FBN3: variants seen among roughly 807,000 people sequenced by gnomAD.
FBN3 encodes the protein fibrillin-3.
FBN3 carries 234 observed loss-of-function variants against 330.1 expected under a neutral mutation model. That is an observed-to-expected ratio of 0.71 (90% confidence interval 0.64 to 0.79). The LOEUF (loss-of-function observed/expected upper bound fraction) is 0.79. FBN3 is among the 30% of genes least tolerant of loss of function. The probability of loss-of-function intolerance (pLI) is 0.00; values close to 1 mark genes in which losing one functional copy is unlikely to be tolerated. For missense variants in FBN3, 3,606 were observed against 3,886.9 expected (o/e 0.93, Z 1.92); for synonymous variants, 1,458 against 1,517.3 (o/e 0.96, Z 0.91).
At position 8,103,668 on chromosome 19, in the gene FBN3, T is replaced by G; in HGVS notation, c.4833A>C (p.Thr1611=). ...RICEDIDECS[T]HSGICGPGTC... ...TGCCAGGGCCACAGATGCCGGAGTG[T>G]GTGGAGCATTCGTCAATATCTGCAG... Residue 1611 remains threonine (T), a synonymous_variant, in exon 39 of 64, where the codon ACA becomes ACC. Transcript: ENST00000600128. 1 of 1,613,522 alleles carries G rather than the reference T, an allele frequency of 6.2e-7. No individual in the cohort carries two copies. The highest frequency in any genetic ancestry group is 8.5e-7 in the Non-Finnish European group (1 of 1,179,632).
chr19:8,125,652 G>A (rs895258702), intron 22 of FBN3, among the ~76,000 whole-genome samples: 6 of 152,006 alleles, frequency 3.9e-5, no homozygotes, highest in African/African-American at 7.3e-5. Flanking sequence ...TTAGCTGGGC[G>A]TGGTGGTATG....
At position 8,087,872 on chromosome 19, in the gene FBN3, G is replaced by C. The variant is rs751620059; in HGVS notation, c.6572C>G (p.Thr2191Ser). The change falls in exon 53 of 64, where the codon ACC (threonine) becomes AGC (serine). Residue 2191 changes from threonine (T) to serine (S), a missense_variant. By Grantham distance (58) the Thr-to-Ser change is moderately conservative. Coordinates refer to ENST00000600128, the MANE Select transcript of FBN3 (RefSeq NM_032447.5). ...CHNTEGSYLC[T>S]CPAGYTLRED... ...CCGCAGGGTGTAGCCGGCTGGACAG[G>C]TGCACAGGTAGGAGCCCTCGGTATT... 2 of 1,614,150 alleles carry C rather than the reference G, an allele frequency of 1.2e-6. No individual in the cohort carries two copies. The highest frequency in any genetic ancestry group is 2.2e-5 in the South Asian group (2 of 91,088).
At chr19:8,112,931 T>C (rs1283632968) in intron 30 of FBN3, among the ~76,000 whole-genome samples, 1 of 152,274 alleles carries the variant, frequency 6.6e-6, no homozygotes, top group African/African-American at 2.4e-5. Context: ...TATGTAACAC[T>C]TGTTTCTAAT....
At chr19:8,105,554 C>T (rs540428935) in intron 38 of FBN3, among the ~76,000 whole-genome samples, 10 of 152,246 alleles carry the variant, frequency 6.6e-5, no homozygotes, top group African/African-American at 2.4e-4. Context: ...TGCCACGCAC[C>T]CAGCCTTGAA....
chr19:8,089,647 G>C lies in FBN3; in HGVS notation c.6274C>G (p.Pro2092Ala), dbSNP rs2082048052. Reference protein sequence around the residue: ...REDVNECAENPGVCTNGVCVN... With the variant: ...REDVNECAENAGVCTNGVCVN... ...CAGACGCCGTTAGTGCAGACGCCAG[G>C]GTTCTCTGCACACTCATTCACGTCT... The change falls in exon 51 of 64, where the codon CCT becomes GCT. Residue 2092 changes from proline (P) to alanine (A), a missense_variant. Physicochemically the swap from Pro to Ala is conservative, Grantham distance 27. Coordinates refer to ENST00000600128, the MANE Select transcript of FBN3 (RefSeq NM_032447.5). The C allele has an allele frequency of 6.2e-7, 1 of 1,614,160 alleles. No individual in the cohort carries two copies. The highest frequency in any genetic ancestry group is 1.1e-5 in the South Asian group (1 of 91,080).
chr19:8,088,695 G>A (rs2082022322), intron 51 of FBN3, among the ~76,000 whole-genome samples: 1 of 152,180 alleles, frequency 6.6e-6, no homozygotes, highest in African/African-American at 2.4e-5. Flanking sequence ...AAACGAATGA[G>A]TGACTGAATA....
intron 49 of FBN3, 39 bp from the exon 50 acceptor site, chr19:8,089,998 A>G (rs777652068): frequency 4.2e-5 from 68 of 1,602,856 alleles, no homozygotes; most frequent in South Asian, 2.7e-4. Flanking sequence ...GTCAGGGCCT[A>G]GGTGCAGCCC....
chr19:8,094,731 G>C (rs997397371), intron 46 of FBN3, among the ~76,000 whole-genome samples, 166 bp from the exon 47 acceptor site: 1 of 152,218 alleles, frequency 6.6e-6, no homozygotes, highest in African/African-American at 2.4e-5. Context: ...CAGGACGACA[G>C]GGACAGCTGG....
chr19:8,117,610 A>T (rs2144870617), intron 26 of FBN3, 21 bp from the exon 27 acceptor site: 1 of 1,516,050 alleles, frequency 6.6e-7, no homozygotes, highest in Admixed American at 2.0e-5. Flanking sequence ...GTGCAGGTGA[A>T]AGACGGGCCT....
intron 18 of FBN3, among the ~76,000 whole-genome samples, chr19:8,128,427 G>A (rs149252596): frequency 1.3e-5 from 2 of 152,284 alleles, no homozygotes; most frequent in East Asian, 3.9e-4. Flanking sequence ...ATCTGGGCTT[G>A]GTGACGGACG....
intron 41 of FBN3, 42 bp downstream of exon 41, chr19:8,100,859 G>A: frequency 6.4e-7 from 1 of 1,553,474 alleles, no homozygotes; most frequent in South Asian, 1.1e-5. Flanking sequence ...GCAGACCCAG[G>A]TGGATGGGTG....
intron 51 of FBN3, 60 bp from the exon 52 acceptor site, chr19:8,088,239 C>A: frequency 6.5e-7 from 1 of 1,527,704 alleles, no homozygotes; most frequent in Admixed American, 1.9e-5. Flanking sequence ...TCAGTAGCAT[C>A]CCATCTGCCT....
chr19:8,096,089 G>A lies in FBN3; in HGVS notation c.5540-9C>T. The A allele has an allele frequency of 6.2e-7, 1 of 1,606,904 alleles. No individual in the cohort carries two copies. The highest frequency in any genetic ancestry group is 8.5e-7 in the Non-Finnish European group (1 of 1,173,642). On this transcript the variant is annotated splice_polypyrimidine_tract_variant and intron_variant, in intron 44 of 63. Coordinates refer to ENST00000600128, the MANE Select transcript of FBN3 (RefSeq NM_032447.5). This position sits in a 1 kb window ranked among gnomAD's most constrained non-coding sequence, Gnocchi z 4.6. Reference sequence around the variant, plus strand: ...GTCACACTCGTCAATGTCTGCAGAAGCAAAGCCGAGAGCCCAACCCAGCTC... The same window carrying A: ...GTCACACTCGTCAATGTCTGCAGAAACAAAGCCGAGAGCCCAACCCAGCTC...
chr19:8,115,496 C>A lies in FBN3; in HGVS notation c.3838+19G>T. 1.2e-6 allele frequency: 2 copies of A among 1,612,738 alleles called. No individual in the cohort carries two copies. The highest frequency in any genetic ancestry group is 1.7e-6 in the Non-Finnish European group (2 of 1,179,862). On this transcript the variant is annotated intron_variant, in intron 30 of 63. Coordinates refer to ENST00000600128, the MANE Select transcript of FBN3 (RefSeq NM_032447.5). ...CCCCGGGGAGTCCCCTCTGCCTGCA[C>A]CGCTGACCGCCGGCTCACCAGAGCA...
intron 59 of FBN3, among the ~76,000 whole-genome samples, chr19:8,080,137 T>C (rs941153833): frequency 2.6e-5 from 4 of 152,182 alleles, no homozygotes; most frequent in Non-Finnish European, 5.9e-5. Context: ...TCAATCAAAC[T>C]TTATTAACAA....
At chr19:8,079,252 AG>A (rs1393218310) in intron 59 of FBN3, among the ~76,000 whole-genome samples, 1 of 152,174 alleles carries the variant, frequency 6.6e-6, no homozygotes, top group Non-Finnish European at 1.5e-5. Context: ...TCCATCTCTA[AG>A]AAACAAAAAA....
At chr19:8,137,450 T>C (rs1226251661) in intron 10 of FBN3, among the ~76,000 whole-genome samples, 1 of 150,182 alleles carries the variant, frequency 6.7e-6, no homozygotes, top group African/African-American at 2.5e-5. Flanking sequence ...ATCCCTTCAA[T>C]CTGGAGCCTA....
Position 8,132,956 on chromosome 19 carries a change from C to G in FBN3, c.1714+28G>C, listed in dbSNP as rs1438664052. Reference sequence around the variant, plus strand: ...TGCTTCCCCATCTCCCTTCTCCCCTCCGCTGGCCAGTCTGGCTCCAGGCTC... The same window carrying G: ...TGCTTCCCCATCTCCCTTCTCCCCTGCGCTGGCCAGTCTGGCTCCAGGCTC... On this transcript the variant is annotated intron_variant, in intron 14 of 63. Coordinates refer to ENST00000600128, the MANE Select transcript of FBN3 (RefSeq NM_032447.5). 2.0e-6 allele frequency: 3 copies of G among 1,531,038 alleles called. No individual in the cohort carries two copies. In the African/African-American group the frequency reaches 4.1e-5, roughly 21 times the overall value. 94.8% of individuals were successfully genotyped at this position (1,531,038 alleles called of 1,614,324 possible). A position where few individuals can be genotyped will look rare whatever the true frequency, so the allele number is the denominator to read the frequency against.
chr19:8,111,601 G>A lies in FBN3; in HGVS notation c.4084+47C>T, dbSNP rs777436491. The stretch of plus-strand genomic sequence containing the variant: ...GGCAGCCACCGTGAATTCAGCCCCC[G>A]TGGCTGTCCCTCTAGGGCCCCTGCC... On this transcript the variant is annotated intron_variant, in intron 32 of 63. Transcript: ENST00000600128. 1.6e-5 allele frequency: 23 copies of A among 1,414,854 alleles called. No individual in the cohort carries two copies. In the Middle Eastern group the frequency reaches 1.2e-3, roughly 76 times the overall value. 87.6% of individuals were successfully genotyped at this position (1,414,854 alleles called of 1,614,324 possible).
Sources: gnomAD v4.1 joint callset for allele counts (sites outside exome capture counted in the v4.1 genomes callset) on GRCh38, gnomAD v4.1.1 for gene constraint, Gnocchi (gnomAD v3.1) non-coding constraint, MANE v1.5 for transcripts, NCBI Gene and HGNC (gene_info 2026-07-23, HGNC 2026-07-21) for gene names.